The following LRRC27 variants were observed in gnomAD, a reference collection of about 807,000 sequenced individuals.
The protein encoded by LRRC27 is leucine-rich repeat-containing protein 27.
In LRRC27, 57 loss-of-function variants were observed where a neutral mutation model predicts 55.0. The observed-to-expected ratio is 1.04, with a 90% confidence interval of 0.84 to 1.29. The LOEUF is 1.29. Among genes scored for constraint, LRRC27 ranks in the 50% most tolerant of loss-of-function variants. The pLI is 0.00. For synonymous variants in LRRC27, 278 were observed against 251.9 expected (o/e 1.10, Z -0.98); for missense variants, 721 against 651.5 (o/e 1.11, Z -1.16).
In LRRC27 at chr10:132,372,780, G is replaced by A. The variant is rs915020861; in HGVS notation, c.1417-2286G>A. Among the ~76,000 whole-genome samples the A allele has an allele frequency of 1.4e-4, 21 of 152,190 alleles. No homozygotes were observed. The highest frequency in any genetic ancestry group is 6.5e-5 in the Admixed American group (1 of 15,286). On this transcript the variant is annotated intron_variant, in intron 10 of 10. Transcript: ENST00000368614. This position sits in a 1 kb window ranked among gnomAD's most constrained non-coding sequence, Gnocchi z 4.0. ...AGGTCAGGTGCACAACCGACCAGGA[G>A]GGCTGGCCAGCTCCATGGCGCTGTC...
chr10:132,365,868 G>A (rs2069055234), intron 10 of LRRC27, among the ~76,000 whole-genome samples: 1 of 152,184 alleles, frequency 6.6e-6, no homozygotes, highest in Non-Finnish European at 1.5e-5. Flanking sequence ...CAAATTGCTG[G>A]GCCACTGTGC....
chr10:132,337,097 G>A (rs2067171214), intron 2 of LRRC27: 1 of 1,246,820 alleles, frequency 8.0e-7, no homozygotes, highest in South Asian at 1.9e-5. Context: ...CTCTGTCCCT[G>A]TCTTTTAGTT....
Position 132,374,564 on chromosome 10 carries a change from G to T in LRRC27, c.1417-502G>T, listed in dbSNP as rs1403396366. Among the ~76,000 whole-genome samples the T allele has an allele frequency of 6.6e-6, 1 of 152,212 alleles. No individual in the cohort carries two copies. Among genetic ancestry groups the T allele is most frequent in the Non-Finnish European group, 1.5e-5 (1 of 68,022 alleles). On this transcript the variant is annotated intron_variant, in intron 10 of 10. Coordinates refer to ENST00000368614, the MANE Select transcript of LRRC27 (RefSeq NM_030626.3). The surrounding 1 kb of genome is among the most constrained non-coding windows in gnomAD (Gnocchi z 4.4). ...CGCTCAGCAAGTTCCTTCTCCTGTA[G>T]GAACCCCTGATCCACAGCTTCTGTG... is the stretch of plus-strand genomic sequence containing the variant.
intron 6 of LRRC27, chr10:132,351,205 G>A (rs528590900): frequency 1.5e-4 from 27 of 179,604 alleles, no homozygotes; most frequent in Middle Eastern, 5.4e-3. Flanking sequence ...ACGTCACATC[G>A]TCCAGCCCGG....
chr10:132,364,518 C>T (rs112687357), intron 9 of LRRC27, among the ~76,000 whole-genome samples: 3 of 131,414 alleles, frequency 2.3e-5, no homozygotes, highest in East Asian at 2.2e-4. Flanking sequence ...CCTCCACACT[C>T]GCACTTACAC....
intron 10 of LRRC27, among the ~76,000 whole-genome samples, chr10:132,368,763 A>T (rs1346435521): frequency 6.6e-6 from 1 of 152,242 alleles, no homozygotes; most frequent in Non-Finnish European, 1.5e-5. Flanking sequence ...TAAATACAAC[A>T]CCAAAAGCAA....
chr10:132,345,623 G>A (rs190611153), intron 5 of LRRC27, among the ~76,000 whole-genome samples: 6 of 152,324 alleles, frequency 3.9e-5, no homozygotes, highest in South Asian at 4.1e-4. Flanking sequence ...AAAAGTAGCC[G>A]CTGGACTGGC....
intron 10 of LRRC27, chr10:132,367,086 A>C: frequency 1.2e-6 from 1 of 835,098 alleles, no homozygotes; most frequent in Non-Finnish European, 1.5e-6. Flanking sequence ...TTAACCCATC[A>C]CTTCACATTA....
chr10:132,371,477 C>T (rs967014804), intron 10 of LRRC27, among the ~76,000 whole-genome samples: 1 of 152,238 alleles, frequency 6.6e-6, no homozygotes, highest in Non-Finnish European at 1.5e-5. Flanking sequence ...TATCTCTACT[C>T]TGCCCAGAAG....
intron 6 of LRRC27, chr10:132,349,110 G>A (rs2132911602): frequency 8.1e-7 from 1 of 1,241,404 alleles, no homozygotes; most frequent in Non-Finnish European, 1.2e-6. Flanking sequence ...GTGTGCCTGT[G>A]TGTGTGTAAA....
In LRRC27 at chr10:132,375,032, T is replaced by C. The variant is rs770197279; in HGVS notation, c.1417-34T>C. The C allele has an allele frequency of 1.1e-5, 17 of 1,588,474 alleles. No homozygotes were observed. The East Asian group carries it at 3.6e-4, about 34-fold the overall frequency. ...GGTGACGCCCTAAGTCCTGCCAGCC[T>C]TTCTAACATCTCCCCCTCCTTGTCT... On this transcript the variant is annotated intron_variant, in intron 10 of 10. Transcript: ENST00000368614.
At chr10:132,364,835 C>T (rs912819858) in intron 9 of LRRC27, among the ~76,000 whole-genome samples, 9 of 152,286 alleles carry the variant, frequency 5.9e-5, no homozygotes, top group African/African-American at 1.4e-4. Flanking sequence ...TCTACCTCCA[C>T]GCCCACACCC....
Position 132,363,425 on chromosome 10 carries a change from A to G in LRRC27, c.1289+1850A>G, listed in dbSNP as rs1356933732. On this transcript the variant is annotated intron_variant, in intron 9 of 10. Coordinates refer to ENST00000368614, the MANE Select transcript of LRRC27 (RefSeq NM_030626.3). Reference sequence around the variant, plus strand: ...CACCTCCTCTGAGCCGTGTATAAGGACCAGGCTGACACGGAGCCTCAGTGT... The same window carrying G: ...CACCTCCTCTGAGCCGTGTATAAGGGCCAGGCTGACACGGAGCCTCAGTGT... 2.0e-5 allele frequency among the ~76,000 whole-genome samples: 3 copies of G among 152,096 alleles called. 1 individual carries two copies. In the East Asian group the frequency reaches 5.8e-4, roughly 29 times the overall value.
At chr10:132,368,826 C>A (rs1374654200) in intron 10 of LRRC27, among the ~76,000 whole-genome samples, 1 of 152,210 alleles carries the variant, frequency 6.6e-6, no homozygotes, top group Non-Finnish European at 1.5e-5. Context: ...TCAAAAACTT[C>A]TGTTCTATGT....
At chr10:132,364,848 G>T in intron 9 of LRRC27, among the ~76,000 whole-genome samples, 1 of 1,574 alleles carries the variant, frequency 6.4e-4, no homozygotes, top group Non-Finnish European at 3.4e-3. Context: ...CCACACCCTG[G>T]GGCCCCACAC....
chr10:132,364,496 C>CG (rs1564853727), intron 9 of LRRC27, among the ~76,000 whole-genome samples: 2 of 141,208 alleles, frequency 1.4e-5, no homozygotes, highest in African/African-American at 2.8e-5. Context: ...CTTACACCCA[C>CG]CCTTACATCT....
At position 132,337,581 on chromosome 10, in the gene LRRC27, G is replaced by A. The variant is rs2067196761; in HGVS notation, c.227G>A (p.Arg76Lys). 1.9e-6 allele frequency: 3 copies of A among 1,614,104 alleles called. No homozygotes were observed. The highest frequency in any genetic ancestry group is 2.2e-5 in the South Asian group (2 of 91,072). Residue 76 changes from arginine (R) to lysine (K), a missense_variant, in exon 3 of 11, where the codon AGG becomes AAG. Arg to Lys is a conservative substitution (Grantham distance 26, BLOSUM62 2). Transcript: ENST00000368614. Reference sequence around the variant, plus strand: ...CCATGGAAGCAATTGCATCTGCAAAGGAATGCCCTGTGTGTGATTCCTCAA... The same window carrying A: ...CCATGGAAGCAATTGCATCTGCAAAAGAATGCCCTGTGTGTGATTCCTCAA... The part of the protein sequence containing the change: ...IPSLQQLHLQ[R>K]NALCVIPQDF...
Position 132,375,245 on chromosome 10 carries a change from C to A in LRRC27, c.*3C>A, listed in dbSNP as rs759132815. 1.9e-6 allele frequency: 3 copies of A among 1,610,586 alleles called. No individual in the cohort carries two copies. Among genetic ancestry groups the A allele is most frequent in the Non-Finnish European group, 2.5e-6 (3 of 1,177,760 alleles). Reference sequence around the variant, plus strand: ...GAAATGTTCGCAGATACCAGTGACACCAGGTGGCTGGACTGATGGAGACGT... The same window carrying A: ...GAAATGTTCGCAGATACCAGTGACAACAGGTGGCTGGACTGATGGAGACGT... On this transcript the variant is annotated 3_prime_UTR_variant, in exon 11 of 11. Coordinates refer to ENST00000368614, the MANE Select transcript of LRRC27 (RefSeq NM_030626.3).
rs1045604058 is a variant in LRRC27, at chr10:132,372,819, A to C, written c.1417-2247A>C. Among the ~76,000 whole-genome samples, 2 of 152,162 alleles carry C rather than the reference A, an allele frequency of 1.3e-5. No homozygotes were observed. Among genetic ancestry groups the C allele is most frequent in the African/African-American group, 4.8e-5 (2 of 41,442 alleles). On this transcript the variant is annotated intron_variant, in intron 10 of 10. Coordinates refer to ENST00000368614, the MANE Select transcript of LRRC27 (RefSeq NM_030626.3). This position sits in a 1 kb window ranked among gnomAD's most constrained non-coding sequence, Gnocchi z 4.0. ...CATGGCGCTGTCTGAGATATCAGCC[A>C]ACCAAGACAGAAGCCACCTGGGCGT...
Sources: gnomAD v4.1 joint callset for allele counts (sites outside exome capture counted in the v4.1 genomes callset) on GRCh38, gnomAD v4.1.1 for gene constraint, Gnocchi (gnomAD v3.1) non-coding constraint, MANE v1.5 for transcripts, NCBI Gene and HGNC (gene_info 2026-07-23, HGNC 2026-07-21) for gene names.